Variants in CD8B2 observed in about 807,000 individuals in gnomAD.
CD8B2 encodes T-cell surface glycoprotein CD8 beta-2 chain.
Under a neutral mutation model 23.7 loss-of-function variants are expected in CD8B2, and 11 were observed. The ratio of observed to expected loss-of-function variants is 0.46; its 90% CI spans 0.29 to 0.77. The LOEUF (loss-of-function observed/expected upper bound fraction) is 0.77, where lower values mean the gene tolerates loss of function less well. Among genes scored for constraint, CD8B2 ranks in the 30% least tolerant of loss-of-function variants. The probability of loss-of-function intolerance (pLI) is 0.09; values close to 1 mark genes in which losing one functional copy is unlikely to be tolerated. For synonymous variants in CD8B2, 90 were observed against 109.3 expected, an observed-to-expected ratio of 0.82 and a Z score of 1.10; for missense variants, 197 against 270.5, an observed-to-expected ratio of 0.73 and a Z score of 1.91.
intron 5 of CD8B2, among the ~76,000 whole-genome samples, chr2:106,518,062 C>T (rs951959392): frequency 6.6e-6 from 1 of 152,138 alleles, no homozygotes; most frequent in African/African-American, 2.4e-5. Context: ...AATACTGAGG[C>T]TTCTGAATTC....
At chr2:106,517,572 A>C (rs980650842) in intron 5 of CD8B2, among the ~76,000 whole-genome samples, 1 of 151,966 alleles carries the variant, frequency 6.6e-6, no homozygotes, top group East Asian at 1.9e-4. Flanking sequence ...AACTCCCCAC[A>C]GAGAGCCCCG....
chr2:106,490,997 G>A lies in CD8B2; in HGVS notation c.167G>A (p.Arg56Lys), dbSNP rs1679183908. 8.7e-6 allele frequency: 14 copies of A among 1,613,886 alleles called. No individual in the cohort carries two copies. Among genetic ancestry groups the A allele is most frequent in the South Asian group, 1.1e-5 (1 of 91,082 alleles). ...AGTAACATGTGCATCTACTGGCTGA[G>A]ACAGCGCCAGGCCCCGAGCAGTGAT... ...SLSNMCIYWL[R>K]QRQAPSSDSH... Residue 56 changes from arginine to lysine, a missense_variant, in exon 2 of 6, where the codon AGA becomes AAA. Arg to Lys is a conservative substitution (Grantham distance 26). Coordinates refer to ENST00000643224, the MANE Select transcript of CD8B2 (RefSeq NM_001349727.2).
At chr2:106,503,174 C>A (rs1477691227) in intron 4 of CD8B2, among the ~76,000 whole-genome samples, 1 of 151,996 alleles carries the variant, frequency 6.6e-6, no homozygotes. Flanking sequence ...GGGAGGCCTG[C>A]ATGGCTGCCC....
intron 5 of CD8B2, among the ~76,000 whole-genome samples, chr2:106,528,243 T>C (rs550043867): frequency 6.6e-6 from 1 of 152,372 alleles, no homozygotes; most frequent in Admixed American, 6.5e-5. Context: ...ATTGTCTTTA[T>C]TGAGTTGTAA....
At chr2:106,543,009 T>G (rs1553469464) in intron 5 of CD8B2, 1 of 150,986 alleles carries the variant, frequency 6.6e-6, no homozygotes, top group Non-Finnish European at 1.5e-5. Flanking sequence ...CGCGTTAATG[T>G]ACCCTGTTTT....
chr2:106,523,361 A>G (rs1274812360), intron 5 of CD8B2, among the ~76,000 whole-genome samples: 2 of 152,192 alleles, frequency 1.3e-5, no homozygotes, highest in Non-Finnish European at 2.9e-5. Context: ...GAGAAAAGCA[A>G]GGCTATTTAT....
In CD8B2 at chr2:106,499,192, G is replaced by A. The variant is rs1461930631; in HGVS notation, c.493+2930G>A. 9.2e-5 allele frequency among the ~76,000 whole-genome samples: 14 copies of A among 152,130 alleles called. No individual in the cohort carries two copies. The South Asian group carries it at 1.7e-3, about 18-fold the overall frequency. Reference sequence around the variant, plus strand: ...CCTCTCCTCAGGAAGGAGCCCTGCCGCCCTGTACATCCCTGCGACCTGCAC... The same window carrying A: ...CCTCTCCTCAGGAAGGAGCCCTGCCACCCTGTACATCCCTGCGACCTGCAC... On this transcript the variant is annotated intron_variant, in intron 3 of 5. Coordinates refer to ENST00000643224, the MANE Select transcript of CD8B2 (RefSeq NM_001349727.2).
At position 106,508,608 on chromosome 2, in the gene CD8B2, A is replaced by G. The variant is rs1558879945; in HGVS notation, c.*1668A>G. On this transcript the variant is annotated 3_prime_UTR_variant, in exon 6 of 6. Coordinates refer to ENST00000643224, the MANE Select transcript of CD8B2 (RefSeq NM_001349727.2). ...GTGAGAAAGCACTCCACATGGTAGG[A>G]GTGGACCCTAAGCAGATAGCCCATG... 1 of 152,208 alleles carries G rather than the reference A, an allele frequency of 6.6e-6. No individual in the cohort carries two copies. The highest frequency in any genetic ancestry group is 1.5e-5 in the Non-Finnish European group (1 of 68,042). The allele number at this position is 152,208 out of a possible 1,614,324, so 9.4% of individuals were successfully genotyped here. A position where few individuals can be genotyped will look rare whatever the true frequency, so the allele number is the denominator to read the frequency against.
intron 5 of CD8B2, among the ~76,000 whole-genome samples, chr2:106,521,003 A>AT (rs1679816956): frequency 6.7e-6 from 1 of 149,660 alleles, no homozygotes. Context: ...ATTGCAAAAA[A>AT]AAAATCATAA....
At chr2:106,521,246 C>A (rs1275576571) in intron 5 of CD8B2, among the ~76,000 whole-genome samples, 1 of 152,132 alleles carries the variant, frequency 6.6e-6, no homozygotes, top group African/African-American at 2.4e-5. Flanking sequence ...TGCAATGGAG[C>A]CTTCCACTTG....
chr2:106,536,192 G>T (rs1161818325), intron 5 of CD8B2, among the ~76,000 whole-genome samples: 1 of 152,046 alleles, frequency 6.6e-6, no homozygotes, highest in Non-Finnish European at 1.5e-5. Flanking sequence ...GTGCCACTGT[G>T]CCTGGCTAAT....
At chr2:106,533,158 C>T (rs1290084985) in intron 5 of CD8B2, among the ~76,000 whole-genome samples, 1 of 152,180 alleles carries the variant, frequency 6.6e-6, no homozygotes, top group Non-Finnish European at 1.5e-5. Flanking sequence ...TAAATGTGCA[C>T]CTGTGGTCCC....
intron 5 of CD8B2, among the ~76,000 whole-genome samples, chr2:106,525,173 C>A (rs1355951244): frequency 1.3e-5 from 2 of 152,134 alleles, no homozygotes; most frequent in Non-Finnish European, 2.9e-5. Flanking sequence ...GGGAGATATG[C>A]AATCAATGGG....
rs764728608 is a variant in CD8B2 at position 106,507,098 on chromosome 2, C to G, written c.*158C>G. The G allele has an allele frequency of 1.3e-6, 2 of 1,506,938 alleles. No homozygotes were observed. Among genetic ancestry groups the G allele is most frequent in the African/African-American group, 2.8e-5 (2 of 71,514 alleles). 93.3% of individuals were successfully genotyped at this position (1,506,938 alleles called of 1,614,324 possible). A position where few individuals can be genotyped will look rare whatever the true frequency, so the allele number is the denominator to read the frequency against. On this transcript the variant is annotated 3_prime_UTR_variant, in exon 6 of 6. Transcript: ENST00000643224. ...TGCTGCAAGGCCTTTCTGTGTGTGACGTGCATGGGAGCAACTTGTTTGTGG... is the reference window on the plus strand; with the variant it reads ...TGCTGCAAGGCCTTTCTGTGTGTGAGGTGCATGGGAGCAACTTGTTTGTGG...
chr2:106,496,083 C>A (rs1240088706), intron 2 of CD8B2, 90 bp from the exon 3 acceptor site: 11 of 1,546,460 alleles, frequency 7.1e-6, no homozygotes, highest in Non-Finnish European at 7.0e-6. Flanking sequence ...CAGGCATGAG[C>A]CACCGCACCC....
chr2:106,531,572 C>T (rs1328947206), intron 5 of CD8B2, among the ~76,000 whole-genome samples: 2 of 152,118 alleles, frequency 1.3e-5, no homozygotes, highest in African/African-American at 4.8e-5. Flanking sequence ...AGGCTGAGTC[C>T]CTAGGGCCAT....
chr2:106,487,801 C>G (rs1037670283), intron 1 of CD8B2, among the ~76,000 whole-genome samples: 2 of 152,142 alleles, frequency 1.3e-5, no homozygotes, highest in African/African-American at 4.8e-5. Flanking sequence ...GGAAACAGGT[C>G]CCTGCCCAGG....
chr2:106,496,790 G>A (rs1372319184), intron 3 of CD8B2, among the ~76,000 whole-genome samples: 24 of 151,700 alleles, frequency 1.6e-4, no homozygotes, highest in Admixed American at 1.6e-3. Flanking sequence ...GATTCCTAAT[G>A]GGTATAAGGT....
At chr2:106,537,668 C>T (rs1365469717) in intron 5 of CD8B2, among the ~76,000 whole-genome samples, 3 of 152,202 alleles carry the variant, frequency 2.0e-5, no homozygotes, top group South Asian at 2.1e-4. Flanking sequence ...CCCGAGGAAG[C>T]GACAAGGAAT....
Sources: gnomAD v4.1 joint callset for allele counts (sites outside exome capture counted in the v4.1 genomes callset) on GRCh38, gnomAD v4.1.1 for gene constraint, MANE v1.5 for transcripts, NCBI Gene and HGNC (gene_info 2026-07-23, HGNC 2026-07-21) for gene names.